Variants in CSMD1 observed in about 807,000 individuals in gnomAD.
The protein encoded by CSMD1 is CUB and Sushi multiple domains 1, also known as CUB and sushi domain-containing protein 1.
A neutral mutation model predicts 417.5 loss-of-function variants in CSMD1; 213 were observed. That is an observed-to-expected ratio of 0.51 (90% CI 0.46 to 0.57). CSMD1 has a LOEUF of 0.57. Ranked by LOEUF, CSMD1 falls within the 20% of genes least tolerant of loss-of-function variation. The pLI, the probability that CSMD1 is intolerant of heterozygous loss-of-function variation, is 0.00. For synonymous variants in CSMD1, 2,862 were observed against 1,736.8 expected (o/e 1.65, Z -16.11); for missense variants, 6,923 against 4,529.7 (o/e 1.53, Z -15.17).
At chr8:4,988,942 C>T (rs986087690) in intron 1 of CSMD1, among the ~76,000 whole-genome samples, 7 of 152,078 alleles carry the variant, frequency 4.6e-5, no homozygotes, top group African/African-American at 7.2e-5. Flanking sequence ...ATTTTAATTC[C>T]GTTACTTACC....
At position 3,376,145 on chromosome 8, in the gene CSMD1, G is replaced by T. The variant is rs188046580; in HGVS notation, c.2783-6775C>A. Among the ~76,000 whole-genome samples, 3 of 152,122 alleles carry T rather than the reference G, an allele frequency of 2.0e-5. No homozygotes were observed. In the East Asian group the frequency reaches 5.8e-4, roughly 29 times the overall value. On this transcript the variant is annotated intron_variant, in intron 18 of 69. Transcript: ENST00000635120. ...CAAATACAGCAGGTTCTCAATAAATGCTTGTGGAGAGAGTAAACAGTTTTC... is the reference window on the plus strand; with the variant it reads ...CAAATACAGCAGGTTCTCAATAAATTCTTGTGGAGAGAGTAAACAGTTTTC...
At chr8:4,759,707 T>C (rs2117088863) in intron 1 of CSMD1, among the ~76,000 whole-genome samples, 1 of 152,290 alleles carries the variant, frequency 6.6e-6, no homozygotes, top group South Asian at 2.1e-4. Flanking sequence ...GAATAATGGC[T>C]TCCAGCTCTA....
intron 3 of CSMD1, among the ~76,000 whole-genome samples, chr8:4,066,680 T>C (rs1244705259): frequency 1.3e-5 from 2 of 152,178 alleles, no homozygotes; most frequent in Admixed American, 1.3e-4. Flanking sequence ...ACATTTCTAT[T>C]CTATCCAACC....
In CSMD1 at chr8:4,862,163, T is replaced by C. The variant is rs530455250; in HGVS notation, c.85+132169A>G. Among the ~76,000 whole-genome samples, 5 of 151,936 alleles carry C rather than the reference T, an allele frequency of 3.3e-5. No homozygotes were observed. The South Asian group carries it at 1.0e-3, about 32-fold the overall frequency. On this transcript the variant is annotated intron_variant, in intron 1 of 69. Coordinates refer to ENST00000635120, the MANE Select transcript of CSMD1 (RefSeq NM_033225.6). ...GAGGCATCAGGGAGTGAACGGGAGC[T>C]GAGGTGGGAGTGGTTTATTGTTCCT... is the stretch of plus-strand genomic sequence containing the variant.
intron 49 of CSMD1, among the ~76,000 whole-genome samples, chr8:3,056,113 G>T (rs1450616675): frequency 6.6e-6 from 1 of 152,180 alleles, no homozygotes; most frequent in African/African-American, 2.4e-5. Flanking sequence ...AATATTAGTT[G>T]CAAGGATTAA....
intron 11 of CSMD1, among the ~76,000 whole-genome samples, chr8:3,491,616 C>G (rs937144139): frequency 2.0e-5 from 3 of 152,070 alleles, no homozygotes; most frequent in Non-Finnish European, 4.4e-5. Context: ...ATGAAGGAGT[C>G]GTGTCCCTGG....
intron 5 of CSMD1, among the ~76,000 whole-genome samples, chr8:3,854,631 G>A (rs1013239970): frequency 6.6e-6 from 1 of 151,942 alleles, no homozygotes; most frequent in East Asian, 1.9e-4. Flanking sequence ...CCATTGTCAG[G>A]CCTTATGATA....
chr8:3,546,549 A>T (rs115651631), intron 10 of CSMD1, among the ~76,000 whole-genome samples: 7,147 of 152,056 alleles, frequency 0.047, 488 homozygotes, highest in African/African-American at 0.15. Flanking sequence ...GAAAAAAAAA[A>T]ATCCTGATAC....
chr8:3,506,724 T>C (rs549888942), intron 10 of CSMD1, among the ~76,000 whole-genome samples: 157 of 152,332 alleles, frequency 1.0e-3, no homozygotes, highest in African/African-American at 3.3e-3. Context: ...GAGGCAATGA[T>C]TGACTGTATA....
At chr8:3,790,202 A>C (rs1379897623) in intron 5 of CSMD1, among the ~76,000 whole-genome samples, 1 of 152,220 alleles carries the variant, frequency 6.6e-6, no homozygotes, top group Non-Finnish European at 1.5e-5. Flanking sequence ...GCATCTAGTG[A>C]ATCAGTGCTG....
intron 3 of CSMD1, among the ~76,000 whole-genome samples, chr8:4,197,439 T>C (rs1040866460): frequency 1.3e-5 from 2 of 152,214 alleles, no homozygotes; most frequent in Admixed American, 1.3e-4. Context: ...GATTTCCTTC[T>C]GTAATGTAGG....
At chr8:3,291,434 G>T (rs11776012) in intron 25 of CSMD1, among the ~76,000 whole-genome samples, 268 of 152,056 alleles carry the variant, frequency 1.8e-3, no homozygotes, top group South Asian at 5.0e-3. Context: ...TGGCAGAATT[G>T]GACTGTGAAT....
chr8:3,636,754 T>C lies in CSMD1; in HGVS notation c.1010-19957A>G, dbSNP rs112078077. Among the ~76,000 whole-genome samples, 708 of 152,226 alleles carry C rather than the reference T, an allele frequency of 4.7e-3. 8 individuals carry two copies. Among genetic ancestry groups the C allele is most frequent in the African/African-American group, 0.016 (667 of 41,532 alleles). ...CTGGCTCAGCGAGGATGGCAGGGAG[T>C]AAGGCAGAGAGGTTCTCCTGACACT... On this transcript the variant is annotated intron_variant, in intron 7 of 69. Coordinates refer to ENST00000635120, the MANE Select transcript of CSMD1 (RefSeq NM_033225.6).
At chr8:4,725,718 G>C (rs1809387357) in intron 1 of CSMD1, among the ~76,000 whole-genome samples, 1 of 152,130 alleles carries the variant, frequency 6.6e-6, no homozygotes, top group African/African-American at 2.4e-5. Flanking sequence ...ATTTATCTCA[G>C]ATAACAGAGA....
chr8:4,447,897 G>A (rs2115967), intron 2 of CSMD1, among the ~76,000 whole-genome samples: 16,698 of 152,186 alleles, frequency 0.11, 1,209 homozygotes, highest in South Asian at 0.22. Flanking sequence ...TTTATTGTTC[G>A]ATTACTCATC....
intron 66 of CSMD1, among the ~76,000 whole-genome samples, 188 bp from the exon 67 acceptor site, chr8:2,950,531 T>G (rs1309694920): frequency 1.3e-5 from 2 of 152,198 alleles, no homozygotes; most frequent in Non-Finnish European, 2.9e-5. Context: ...AATCACTTCT[T>G]AAATCCTTGT....
intron 3 of CSMD1, among the ~76,000 whole-genome samples, chr8:4,179,122 C>A (rs1337568461): frequency 6.6e-6 from 1 of 152,162 alleles, no homozygotes; most frequent in East Asian, 1.9e-4. Context: ...ATCGCCAAGT[C>A]AATCCTAAGC....
chr8:3,239,211 C>T (rs1037054830), intron 26 of CSMD1, among the ~76,000 whole-genome samples: 2 of 151,776 alleles, frequency 1.3e-5, no homozygotes, highest in South Asian at 2.1e-4. Context: ...TACTGAGGAG[C>T]GTAAGGGATA....
At chr8:3,006,780 G>C (rs1807942798) in intron 52 of CSMD1, among the ~76,000 whole-genome samples, 1 of 151,416 alleles carries the variant, frequency 6.6e-6, no homozygotes, top group Non-Finnish European at 1.5e-5. Context: ...ATTCAAGATG[G>C]ATTAAAGACT....
Sources: allele counts gnomAD v4.1 joint callset (sites outside exome capture counted in the v4.1 genomes callset), GRCh38; gene constraint gnomAD v4.1.1; transcripts MANE v1.5; gene names NCBI Gene and HGNC (gene_info 2026-07-23, HGNC 2026-07-21).